The following SPATA17 variants were observed in gnomAD, a reference collection of about 807,000 sequenced individuals.
SPATA17 encodes spermatogenesis-associated protein 17.
A neutral mutation model predicts 62.2 loss-of-function variants in SPATA17; 53 were observed. The ratio of observed to expected loss-of-function variants is 0.85; its 90% CI spans 0.68 to 1.07. The LOEUF is 1.07. SPATA17 is among the 50% of genes least tolerant of loss of function. The pLI, the probability that SPATA17 is intolerant of heterozygous loss-of-function variation, is 0.00. For missense variants in SPATA17, 466 were observed against 425.5 expected (o/e 1.10, Z -0.84); for synonymous variants, 146 against 146.8 (o/e 0.99, Z 0.04).
At chr1:217,706,112 T>A (rs1040695201) in intron 5 of SPATA17, among the ~76,000 whole-genome samples, 1 of 152,200 alleles carries the variant, frequency 6.6e-6, no homozygotes, top group African/African-American at 2.4e-5. Flanking sequence ...GTTTCTGTAG[T>A]CTTGTAGTAT....
intron 10 of SPATA17, among the ~76,000 whole-genome samples, chr1:217,864,372 A>G (rs922858404): frequency 1.3e-4 from 20 of 152,288 alleles, no homozygotes; most frequent in Admixed American, 1.1e-3. Context: ...GCAGACAGTA[A>G]AATGTTATAA....
chr1:217,787,173 T>C (rs1346888005), intron 8 of SPATA17, among the ~76,000 whole-genome samples: 1 of 152,112 alleles, frequency 6.6e-6, no homozygotes, highest in Non-Finnish European at 1.5e-5. Context: ...ACTGTCTTAA[T>C]TTAGGCACCT....
chr1:217,719,482 T>C (rs997220516), intron 5 of SPATA17, among the ~76,000 whole-genome samples: 21 of 152,132 alleles, frequency 1.4e-4, no homozygotes, highest in African/African-American at 5.1e-4. Flanking sequence ...TTAAATTAAA[T>C]ACAGTAACAG....
chr1:217,705,659 T>G (rs1671717622), intron 5 of SPATA17, among the ~76,000 whole-genome samples: 1 of 152,092 alleles, frequency 6.6e-6, no homozygotes, highest in Admixed American at 6.6e-5. Context: ...CAAGATGGCC[T>G]TGATTTCTTG....
intron 8 of SPATA17, among the ~76,000 whole-genome samples, chr1:217,793,169 G>A (rs1393885198): frequency 6.6e-6 from 1 of 151,430 alleles, no homozygotes; most frequent in African/African-American, 2.4e-5. Flanking sequence ...ACTATATAGA[G>A]AGAAGATTAC....
chr1:217,671,157 A>G (rs1254119583), intron 4 of SPATA17, among the ~76,000 whole-genome samples: 1 of 152,100 alleles, frequency 6.6e-6, no homozygotes, highest in East Asian at 1.9e-4. Flanking sequence ...TTACCTCACA[A>G]ATGATTAGCT....
chr1:217,641,341 G>T (rs74692890), intron 1 of SPATA17, among the ~76,000 whole-genome samples: 1 of 151,898 alleles, frequency 6.6e-6, no homozygotes, highest in African/African-American at 2.4e-5. Flanking sequence ...CATTCATAGC[G>T]TCTAGCATCT....
chr1:217,750,856 A>T (rs80278108), intron 6 of SPATA17, among the ~76,000 whole-genome samples: 8,369 of 152,274 alleles, frequency 0.055, 278 homozygotes, highest in South Asian at 0.074. Flanking sequence ...AGACTAGAAG[A>T]TAAAGCAACC....
intron 9 of SPATA17, among the ~76,000 whole-genome samples, chr1:217,859,141 A>G (rs1214762858): frequency 6.8e-6 from 1 of 146,904 alleles, no homozygotes; most frequent in African/African-American, 2.5e-5. Flanking sequence ...TATAATTAAA[A>G]CATAATTTTA....
intron 7 of SPATA17, among the ~76,000 whole-genome samples, chr1:217,777,653 C>CG (rs1272561610): frequency 2.6e-5 from 4 of 152,124 alleles, no homozygotes; most frequent in African/African-American, 9.7e-5. Context: ...CTGCCTGTCT[C>CG]GGCCTCCTAA....
At chr1:217,640,521 T>C (rs1670037484) in intron 1 of SPATA17, among the ~76,000 whole-genome samples, 1 of 152,116 alleles carries the variant, frequency 6.6e-6, no homozygotes, top group Non-Finnish European at 1.5e-5. Flanking sequence ...TGTCACTTTT[T>C]CTATTGGCCT....
At chr1:217,839,334 T>C (rs1378312252) in intron 9 of SPATA17, among the ~76,000 whole-genome samples, 3 of 152,072 alleles carry the variant, frequency 2.0e-5, no homozygotes, top group Admixed American at 6.6e-5. Flanking sequence ...TTCTAACAAA[T>C]TGAAACACCA....
intron 1 of SPATA17, among the ~76,000 whole-genome samples, chr1:217,646,952 C>T (rs183530462): frequency 4.3e-4 from 66 of 152,080 alleles, no homozygotes; most frequent in African/African-American, 1.5e-3. Context: ...AGCAGGACTA[C>T]CAAGGATTAA....
In SPATA17 at chr1:217,747,151, G is replaced by C. The variant is rs188821276; in HGVS notation, c.519+5053G>C. On this transcript the variant is annotated intron_variant, in intron 6 of 10. Coordinates refer to ENST00000366933, the MANE Select transcript of SPATA17 (RefSeq NM_138796.4). The stretch of plus-strand genomic sequence containing the variant: ...TTGGATAAAGTAAAATGCAAATATT[G>C]CTTCCATTTGTAAATTTAATTTATC... Among the ~76,000 whole-genome samples the C allele has an allele frequency of 1.9e-3, 285 of 152,108 alleles. 1 individual carries two copies. Among genetic ancestry groups the C allele is most frequent in the African/African-American group, 6.4e-3 (267 of 41,544 alleles).
intron 5 of SPATA17, among the ~76,000 whole-genome samples, chr1:217,692,716 G>A (rs1671367508): frequency 8.6e-6 from 1 of 116,180 alleles, no homozygotes; most frequent in Admixed American, 1.0e-4. Flanking sequence ...GTTGAATTTT[G>A]TCAAAGGCTT....
intron 5 of SPATA17, among the ~76,000 whole-genome samples, chr1:217,713,782 G>A (rs945597999): frequency 4.6e-5 from 7 of 152,148 alleles, no homozygotes; most frequent in African/African-American, 1.2e-4. Context: ...TAAAATTGTA[G>A]CAAAACTGCG....
chr1:217,723,880 A>G (rs1672197431), intron 5 of SPATA17, among the ~76,000 whole-genome samples: 1 of 152,230 alleles, frequency 6.6e-6, no homozygotes, highest in Admixed American at 6.5e-5. Context: ...AGTACTAAGC[A>G]GACACTTCCT....
chr1:217,668,078 G>A (rs548729849), intron 3 of SPATA17, among the ~76,000 whole-genome samples: 1 of 152,116 alleles, frequency 6.6e-6, no homozygotes, highest in Non-Finnish European at 1.5e-5. Flanking sequence ...AAGAGTTAAG[G>A]CACTTTTTTC....
rs61827788 is a variant in SPATA17, at chr1:217,691,202, T to C, written c.395+7841T>C. Among the ~76,000 whole-genome samples, 1,347 of 148,546 alleles carry C rather than the reference T, an allele frequency of 9.1e-3. 15 individuals carry two copies. Among genetic ancestry groups the C allele is most frequent in the African/African-American group, 0.032 (1,276 of 40,094 alleles). On this transcript the variant is annotated intron_variant, in intron 5 of 10. Transcript: ENST00000366933. ...CCATTCTAACTGGTGTGAGATGATA[T>C]CTCATAGTGGTTTTGATTTGCATTT...
Sources: gnomAD v4.1 joint callset for allele counts (sites outside exome capture counted in the v4.1 genomes callset) on GRCh38, gnomAD v4.1.1 for gene constraint, MANE v1.5 for transcripts, NCBI Gene and HGNC (gene_info 2026-07-23, HGNC 2026-07-21) for gene names.